The following DOCK3 variants were observed in gnomAD, a reference collection of about 807,000 sequenced individuals.
The protein encoded by DOCK3 is dedicator of cytokinesis protein 3.
A neutral mutation model predicts 265.6 loss-of-function variants in DOCK3; 60 were observed. That is an observed-to-expected ratio of 0.23 (90% CI 0.18 to 0.28). The LOEUF (loss-of-function observed/expected upper bound fraction) is 0.28, where lower values mean the gene tolerates loss of function less well. Ranked by LOEUF, DOCK3 falls within the 10% of genes least tolerant of loss-of-function variation. The pLI is 1.00. For synonymous variants in DOCK3, 881 were observed against 938.0 expected, an observed-to-expected ratio of 0.94 and a Z score of 1.11; for missense variants, 1,981 against 2,594.3, an observed-to-expected ratio of 0.76 and a Z score of 5.14.
intron 4 of DOCK3, among the ~76,000 whole-genome samples, chr3:50,912,763 A>G (rs969887793): frequency 1.3e-5 from 2 of 151,866 alleles, no homozygotes; most frequent in African/African-American, 4.8e-5. Context: ...CTGCCAGACT[A>G]CTGTTGATGT....
chr3:50,977,894 T>A (rs1313766064), intron 5 of DOCK3, among the ~76,000 whole-genome samples: 1 of 152,108 alleles, frequency 6.6e-6, no homozygotes, highest in East Asian at 1.9e-4. Flanking sequence ...TTCATTCATT[T>A]CATCTTCCAT....
At chr3:50,818,609 G>T (rs184654490) in intron 2 of DOCK3, among the ~76,000 whole-genome samples, 8 of 152,364 alleles carry the variant, frequency 5.3e-5, no homozygotes, top group African/African-American at 1.9e-4. Context: ...TTAGGAAGAA[G>T]TCAGGTGCAG....
intron 9 of DOCK3, among the ~76,000 whole-genome samples, chr3:51,141,839 AT>A (rs1245007553): frequency 6.6e-6 from 1 of 152,066 alleles, no homozygotes; most frequent in African/African-American, 2.4e-5. Context: ...TGGGAAGACA[AT>A]TGTCTTGACT....
intron 2 of DOCK3, among the ~76,000 whole-genome samples, chr3:50,780,316 C>A (rs1011088538): frequency 6.6e-6 from 1 of 152,128 alleles, no homozygotes; most frequent in Non-Finnish European, 1.5e-5. Context: ...TACTGTCTTA[C>A]TCTGTTTATG....
rs527541858 is a variant in DOCK3 at position 50,909,047 on chromosome 3, T to C, written c.218+18966T>C. Among the ~76,000 whole-genome samples, 9 of 152,206 alleles carry C rather than the reference T, an allele frequency of 5.9e-5. No individual in the cohort carries two copies. In the South Asian group the frequency reaches 1.9e-3, roughly 32 times the overall value. The stretch of plus-strand genomic sequence containing the variant: ...AGTAGGATTGTGATCCCTGCTTTTT[T>C]TTTGTTTTCCATTTGCTTGGTAAAT... On this transcript the variant is annotated intron_variant, in intron 4 of 52. Transcript: ENST00000266037.
rs113621696 is a variant in DOCK3 at position 50,743,942 on chromosome 3, CA to C, written c.38-34731del. Among the ~76,000 whole-genome samples, 425 of 152,310 alleles carry C rather than the reference CA, an allele frequency of 2.8e-3. 3 individuals carry two copies. The highest frequency in any genetic ancestry group is 9.8e-3 in the African/African-American group (407 of 41,570). On this transcript the variant is annotated intron_variant, in intron 1 of 52. Coordinates refer to ENST00000266037, the MANE Select transcript of DOCK3 (RefSeq NM_004947.5). ...CCAATTTCTCCACATTCTTATAAGCCAACACTTATTTTCTATTTTTTAAAAA... is the reference window on the plus strand; with the variant it reads ...CCAATTTCTCCACATTCTTATAAGCCACACTTATTTTCTATTTTTTAAAAA...
intron 24 of DOCK3, among the ~76,000 whole-genome samples, chr3:51,273,498 A>G (rs1288213472): frequency 8.5e-5 from 13 of 152,242 alleles, no homozygotes; most frequent in Non-Finnish European, 1.5e-5. Context: ...AGCAGGTTCT[A>G]GTAACTAACC....
chr3:51,333,048 G>C lies in DOCK3; in HGVS notation c.3515+21G>C, dbSNP rs375974628. 5.0e-6 allele frequency: 8 copies of C among 1,613,874 alleles called. No individual in the cohort carries two copies. In the East Asian group the frequency reaches 1.6e-4, roughly 31 times the overall value. ...CCCAGGTAAGACTGCAGTGTGGTAA[G>C]TCTGCTGTCTCCAGATCCATCACAG... On this transcript the variant is annotated intron_variant, in intron 34 of 52. Coordinates refer to ENST00000266037, the MANE Select transcript of DOCK3 (RefSeq NM_004947.5).
chr3:50,953,462 T>C (rs2076646586), intron 5 of DOCK3, among the ~76,000 whole-genome samples: 1 of 152,104 alleles, frequency 6.6e-6, no homozygotes, highest in African/African-American at 2.4e-5. Flanking sequence ...CACCTAGTTA[T>C]ACAGCCTGCC....
At chr3:51,261,608 G>A (rs1488029497) in intron 23 of DOCK3, among the ~76,000 whole-genome samples, 3 of 152,132 alleles carry the variant, frequency 2.0e-5, no homozygotes, top group Non-Finnish European at 2.9e-5. Flanking sequence ...GGAGACAAGC[G>A]GTCTAGTTCA....
chr3:51,194,432 G>A (rs987145189), intron 12 of DOCK3, among the ~76,000 whole-genome samples: 8 of 152,144 alleles, frequency 5.3e-5, no homozygotes, highest in African/African-American at 1.7e-4. Flanking sequence ...GGTCTAAAGT[G>A]CAACTTAAAG....
chr3:51,274,464 T>G (rs2080701084), intron 24 of DOCK3, among the ~76,000 whole-genome samples: 1 of 152,174 alleles, frequency 6.6e-6, no homozygotes, highest in African/African-American at 2.4e-5. Flanking sequence ...GCTTCTAATT[T>G]GGAGTCTAAT....
chr3:51,176,460 T>TAA (rs950811829), intron 12 of DOCK3, among the ~76,000 whole-genome samples: 19 of 39,084 alleles, frequency 4.9e-4, no homozygotes, highest in African/African-American at 1.7e-3. Flanking sequence ...TACTAAAAAA[T>TAA]AAAAAAAAAA....
intron 1 of DOCK3, among the ~76,000 whole-genome samples, chr3:50,743,261 G>A (rs190519834): frequency 2.7e-3 from 411 of 152,062 alleles, no homozygotes; most frequent in Non-Finnish European, 4.9e-3. Flanking sequence ...AAAGACCATC[G>A]AGGCTAGGAA....
chr3:51,074,235 T>C (rs763968847), intron 6 of DOCK3, among the ~76,000 whole-genome samples: 3 of 152,210 alleles, frequency 2.0e-5, no homozygotes, highest in Non-Finnish European at 4.4e-5. Context: ...AAAAAATTTA[T>C]AATGAACACA....
intron 7 of DOCK3, among the ~76,000 whole-genome samples, chr3:51,087,914 A>G (rs1157763840): frequency 6.6e-6 from 1 of 152,160 alleles, no homozygotes; most frequent in East Asian, 1.9e-4. Context: ...TCAAAAAGAA[A>G]GAAAAATCAG....
chr3:51,125,618 A>T (rs2084231461), intron 9 of DOCK3, among the ~76,000 whole-genome samples: 1 of 152,212 alleles, frequency 6.6e-6, no homozygotes, highest in Admixed American at 6.5e-5. Context: ...ACAAGTTAAT[A>T]AATATAAATA....
chr3:50,785,565 A>G (rs575053231), intron 2 of DOCK3, among the ~76,000 whole-genome samples: 7 of 152,180 alleles, frequency 4.6e-5, no homozygotes, highest in Non-Finnish European at 7.3e-5. Context: ...ATCTATTGAG[A>G]TGATCATGTG....
chr3:50,983,748 C>T (rs997891681), intron 5 of DOCK3, among the ~76,000 whole-genome samples: 16 of 152,168 alleles, frequency 1.1e-4, no homozygotes, highest in Non-Finnish European at 4.4e-5. Flanking sequence ...GAACCCAGGA[C>T]CCGCCAAACT....
Sources: gnomAD v4.1 joint callset for allele counts (sites outside exome capture counted in the v4.1 genomes callset) on GRCh38, gnomAD v4.1.1 for gene constraint, MANE v1.5 for transcripts, NCBI Gene and HGNC (gene_info 2026-07-23, HGNC 2026-07-21) for gene names.